The following TTC17 variants were observed in gnomAD, a reference collection of about 807,000 sequenced individuals.
TTC17 encodes tetratricopeptide repeat domain 17, also known as tetratricopeptide repeat protein 17.
Under a neutral mutation model 143.8 loss-of-function variants are expected in TTC17, and 58 were observed. The observed-to-expected ratio is 0.40, with a 90% confidence interval of 0.33 to 0.50. The LOEUF (loss-of-function observed/expected upper bound fraction) is 0.50, where lower values mean the gene tolerates loss of function less well. Among genes scored for constraint, TTC17 ranks in the 20% least tolerant of loss-of-function variants. The pLI, the probability that TTC17 is intolerant of heterozygous loss-of-function variation, is 0.49. For synonymous variants in TTC17, 501 were observed against 497.8 expected, an observed-to-expected ratio of 1.01 and a Z score of -0.09; for missense variants, 1,273 against 1,392.5, an observed-to-expected ratio of 0.91 and a Z score of 1.37.
intron 19 of TTC17, chr11:43,449,451 G>A (rs556285693): frequency 1.3e-5 from 2 of 152,318 alleles, no homozygotes; most frequent in East Asian, 3.9e-4. Context: ...CTCCTGGAGT[G>A]TATTATCATT....
Position 43,359,089 on chromosome 11 carries a change from G to C in TTC17, c.135G>C (p.Thr45=). The change falls in exon 1 of 24, where the codon ACG becomes ACC. Residue 45 remains threonine, a synonymous_variant. Transcript: ENST00000039989. The stretch of plus-strand genomic sequence containing the variant: ...TCGCCACCACGCACTGGGTCGTCAC[G>C]GAGGACGGGAAAATCCAGCAGCAGG... ...GAFATTHWVV[T]EDGKIQQQVD... is the part of the protein sequence containing the mutation. 1 of 1,588,462 alleles carries C rather than the reference G, an allele frequency of 6.3e-7. No individual in the cohort carries two copies. Among genetic ancestry groups the C allele is most frequent in the Non-Finnish European group, 8.6e-7 (1 of 1,169,202 alleles).
At chr11:43,461,672 T>C (rs59786012) in intron 21 of TTC17, among the ~76,000 whole-genome samples, 14,171 of 152,160 alleles carry the variant, frequency 0.093, 2,228 homozygotes, top group African/African-American at 0.32. Context: ...TGTAAATGAA[T>C]AGTAACTGTA....
intron 21 of TTC17, among the ~76,000 whole-genome samples, chr11:43,480,109 AGTT>A (rs1306434929): frequency 1.3e-5 from 2 of 152,240 alleles, no homozygotes; most frequent in Non-Finnish European, 2.9e-5. Context: ...GAGTGCCAGC[AGTT>A]ATCGCAAAGC....
At chr11:43,359,781 T>C (rs1856022429) in intron 1 of TTC17, among the ~76,000 whole-genome samples, 1 of 152,226 alleles carries the variant, frequency 6.6e-6, no homozygotes, top group Admixed American at 6.5e-5. Context: ...CAGTGCACTT[T>C]GCTTTGTTTC....
intron 2 of TTC17, among the ~76,000 whole-genome samples, chr11:43,382,878 TTTTTCTTTTTA>T (rs1857024627): frequency 6.6e-6 from 1 of 151,994 alleles, no homozygotes; most frequent in Non-Finnish European, 1.5e-5. Context: ...TCCTTTTTCT[TTTTTCTTTTTA>T]TTTTCTTTTT....
At chr11:43,373,379 A>G (rs1856643717) in intron 1 of TTC17, among the ~76,000 whole-genome samples, 1 of 148,416 alleles carries the variant, frequency 6.7e-6, no homozygotes, top group Non-Finnish European at 1.5e-5. Flanking sequence ...GCTGGAGTGC[A>G]GTGGCGCAAT....
intron 21 of TTC17, among the ~76,000 whole-genome samples, chr11:43,453,508 T>G (rs1423191480): frequency 6.6e-6 from 1 of 152,206 alleles, no homozygotes; most frequent in Admixed American, 6.5e-5. Flanking sequence ...TTTTATATGC[T>G]ACCAAACTGA....
rs1225926073 is a variant in TTC17, at chr11:43,490,352, G to A, written c.3144G>A (p.Gln1048=). 1.9e-6 allele frequency: 3 copies of A among 1,600,634 alleles called. No individual in the cohort carries two copies. The highest frequency in any genetic ancestry group is 2.6e-6 in the Non-Finnish European group (3 of 1,171,268). Residue 1048 remains glutamine, a synonymous_variant, in exon 22 of 24, where the codon CAG becomes CAA. Transcript: ENST00000039989. The stretch of plus-strand genomic sequence containing the variant: ...AGGCTCTGCACTATGCGCCACACCA[G>A]ATGAAGGTGAGTGGGACTCAGAAGG... ...LRQALHYAPH[Q]MKDVPLISLA... is the part of the protein sequence containing the mutation.
chr11:43,419,387 T>A (rs1241362029), intron 16 of TTC17, among the ~76,000 whole-genome samples: 1 of 152,236 alleles, frequency 6.6e-6, no homozygotes. Flanking sequence ...ATTTATAGCA[T>A]CTATTTATGT....
At position 43,451,172 on chromosome 11, in the gene TTC17, T is replaced by C. The variant is rs1310273300; in HGVS notation, c.2947-10T>C. On this transcript the variant is annotated splice_polypyrimidine_tract_variant and intron_variant, in intron 20 of 23. Coordinates refer to ENST00000039989, the MANE Select transcript of TTC17 (RefSeq NM_018259.6). The stretch of plus-strand genomic sequence containing the variant: ...TCATTCTTCTAATCTACTATCTTCC[T>C]TCCTTCCAGGTATTACAAAATCTCG... 1 of 1,612,584 alleles carries C rather than the reference T, an allele frequency of 6.2e-7. No homozygotes were observed. Among genetic ancestry groups the C allele is most frequent in the South Asian group, 1.1e-5 (1 of 91,012 alleles).
At position 43,405,848 on chromosome 11, in the gene TTC17, C is replaced by G. The variant is rs199844224; in HGVS notation, c.1658C>G (p.Ser553Cys). 1.4e-5 allele frequency: 22 copies of G among 1,613,896 alleles called. No homozygotes were observed. The highest frequency in any genetic ancestry group is 1.8e-5 in the Non-Finnish European group (21 of 1,179,958). ...TEEEAQTPDC[S>C]ITDFRKSHTL... ...GAAGAGGCCCAAACCCCTGACTGTT[C>G]CATAACTGACTTCAGAAAAAGCCAC... The change falls in exon 13 of 24, where the codon TCC becomes TGC. Residue 553 changes from serine to cysteine, a missense_variant. Coordinates refer to ENST00000039989, the MANE Select transcript of TTC17 (RefSeq NM_018259.6).
chr11:43,477,080 C>T (rs1017627860), intron 21 of TTC17, among the ~76,000 whole-genome samples: 3 of 152,196 alleles, frequency 2.0e-5, no homozygotes, highest in Admixed American at 2.0e-4. Context: ...TTCCACAAAT[C>T]TCTAGGACAG....
chr11:43,426,604 G>T (rs868692737), intron 16 of TTC17, among the ~76,000 whole-genome samples: 3 of 152,124 alleles, frequency 2.0e-5, no homozygotes, highest in African/African-American at 7.2e-5. Context: ...TTAAACTTTG[G>T]TTTGAATATC....
At chr11:43,463,566 A>G (rs1947912232) in intron 21 of TTC17, among the ~76,000 whole-genome samples, 1 of 152,328 alleles carries the variant, frequency 6.6e-6, no homozygotes, top group Non-Finnish European at 1.5e-5. Flanking sequence ...ACTAGGCTTG[A>G]ACAAATGGAA....
At chr11:43,409,612 A>T (rs1858309939) in intron 15 of TTC17, among the ~76,000 whole-genome samples, 1 of 152,222 alleles carries the variant, frequency 6.6e-6, no homozygotes, top group South Asian at 2.1e-4. Context: ...TAGATGAGGA[A>T]ACTCTTAAGA....
chr11:43,443,910 T>C (rs1565169656), intron 17 of TTC17, 146 bp from the exon 18 acceptor site: 2 of 997,892 alleles, frequency 2.0e-6, no homozygotes, highest in Non-Finnish European at 2.9e-6. Flanking sequence ...TCACTAACCA[T>C]TTTTTATTTA....
chr11:43,433,291 G>T (rs1456104519), intron 16 of TTC17, among the ~76,000 whole-genome samples: 1 of 152,204 alleles, frequency 6.6e-6, no homozygotes, highest in East Asian at 1.9e-4. Context: ...GAGCCACCGC[G>T]CCTGGCCAAA....
intron 16 of TTC17, among the ~76,000 whole-genome samples, chr11:43,442,723 A>C (rs565500573): frequency 1.9e-4 from 29 of 152,312 alleles, no homozygotes; most frequent in Admixed American, 1.0e-3. Context: ...CTTCCATAGG[A>C]GTCTTTATGT....
chr11:43,415,146 C>T (rs1308422105), intron 16 of TTC17, among the ~76,000 whole-genome samples: 2 of 152,138 alleles, frequency 1.3e-5, no homozygotes, highest in African/African-American at 4.8e-5. Context: ...TTAATTGAAG[C>T]AGTTCTTCTA....
Sources: allele counts gnomAD v4.1 joint callset (sites outside exome capture counted in the v4.1 genomes callset), GRCh38; gene constraint gnomAD v4.1.1; transcripts MANE v1.5; gene names NCBI Gene and HGNC (gene_info 2026-07-23, HGNC 2026-07-21).